MDM4: variants seen among roughly 807,000 people sequenced by gnomAD.
MDM4 encodes the protein MDM4 regulator of p53, also known as protein Mdm4.
Under a neutral mutation model 60.2 loss-of-function variants are expected in MDM4, and 2 were observed. That is an observed-to-expected ratio of 0.03 (90% CI 0.01 to 0.10). MDM4 has a LOEUF of 0.10. MDM4 is among the 10% of genes least tolerant of loss of function. The pLI is 1.00. For missense variants in MDM4, 447 were observed against 577.5 expected (o/e 0.77, Z 2.32); for synonymous variants, 202 against 198.1 (o/e 1.02, Z -0.17).
chr1:204,524,859 A>G (rs1256637062), intron 1 of MDM4, among the ~76,000 whole-genome samples: 2 of 152,202 alleles, frequency 1.3e-5, no homozygotes, highest in African/African-American at 4.8e-5. Context: ...AAAGATTTTC[A>G]TTGAACTTTA....
At chr1:204,543,132 T>G (rs865840846) in intron 8 of MDM4, among the ~76,000 whole-genome samples, 188 bp downstream of exon 8, 2 of 152,202 alleles carry the variant, frequency 1.3e-5, no homozygotes, top group Middle Eastern at 3.2e-3. Flanking sequence ...ATGCCCAACT[T>G]CAGTTTCCAG....
intron 7 of MDM4, among the ~76,000 whole-genome samples, chr1:204,541,224 T>C (rs1054092309): frequency 2.6e-5 from 4 of 152,282 alleles, no homozygotes; most frequent in African/African-American, 4.8e-5. Flanking sequence ...TTTGGGAGGC[T>C]GAGGCAGGGG....
chr1:204,522,161 G>A lies in MDM4; in HGVS notation c.-35-3323G>A, dbSNP rs184591258. 5.1e-3 allele frequency among the ~76,000 whole-genome samples: 778 copies of A among 151,854 alleles called. 3 individuals carry two copies. The highest frequency in any genetic ancestry group is 0.01 in the Middle Eastern group (3 of 294). On this transcript the variant is annotated intron_variant, in intron 1 of 10. Transcript: ENST00000367182. ...AGCCTGGGCAACATAGCAAGACCCC[G>A]TCTCTACAAAAAATAAATTAGCTGG...
At chr1:204,537,146 A>C in intron 5 of MDM4, 1 of 393,304 alleles carries the variant, frequency 2.5e-6, no homozygotes, top group Non-Finnish European at 4.6e-6. Context: ...TTTTCATATA[A>C]AAATTTAAAA....
At chr1:204,537,795 T>C in intron 6 of MDM4, 1 of 605,200 alleles carries the variant, frequency 1.7e-6, no homozygotes, top group Non-Finnish European at 3.1e-6. Flanking sequence ...CTTTATTAGA[T>C]TTTAATAGGC....
intron 5 of MDM4, chr1:204,532,960 A>G (rs1404597691): frequency 2.8e-5 from 26 of 915,292 alleles, no homozygotes; most frequent in Admixed American, 6.1e-5. Context: ...TAATCACATC[A>G]GAGTCATGTA....
chr1:204,531,678 A>G (rs544784204), intron 4 of MDM4, among the ~76,000 whole-genome samples: 1 of 152,130 alleles, frequency 6.6e-6, no homozygotes, highest in African/African-American at 2.4e-5. Context: ...TAAAAATACA[A>G]AAAATTAGCT....
intron 8 of MDM4, 113 bp downstream of exon 8, chr1:204,543,057 GT>G: frequency 1.1e-6 from 1 of 909,542 alleles, no homozygotes; most frequent in Non-Finnish European, 1.7e-6. Context: ...CTCCTATGGC[GT>G]TAAATACCAT....
chr1:204,517,965 C>T (rs1659164224), intron 1 of MDM4, among the ~76,000 whole-genome samples: 1 of 151,824 alleles, frequency 6.6e-6, no homozygotes, highest in African/African-American at 2.4e-5. Context: ...AGTTCGACAC[C>T]AGCCTAGGCA....
At chr1:204,543,888 A>G (rs1349323970) in intron 8 of MDM4, among the ~76,000 whole-genome samples, 1 of 152,184 alleles carries the variant, frequency 6.6e-6, no homozygotes, top group Non-Finnish European at 1.5e-5. Flanking sequence ...TACTTTTTCC[A>G]TTACCTGGTA....
rs2102313657 is a variant in MDM4, at chr1:204,525,532, C to T, written c.14C>T (p.Ser5Phe). The T allele has an allele frequency of 6.2e-7, 1 of 1,610,854 alleles. No individual in the cohort carries two copies. Among genetic ancestry groups the T allele is most frequent in the Non-Finnish European group, 8.5e-7 (1 of 1,179,112 alleles). The change falls in exon 2 of 11, where the codon TCC (serine) becomes TTC (phenylalanine). Residue 5 changes from serine to phenylalanine, a missense_variant. Transcript: ENST00000367182. ...TTCACTACCAAAATGACATCATTTT[C>T]CACCTCTGCTCAGTGTTCAACATCT... MTSF[S>F]TSAQCSTSDS...
chr1:204,531,852 T>C (rs1660889251), intron 4 of MDM4, among the ~76,000 whole-genome samples: 1 of 151,912 alleles, frequency 6.6e-6, no homozygotes, highest in East Asian at 1.9e-4. Flanking sequence ...AAGACTCCCC[T>C]CCACCCCCAC....
chr1:204,528,233 A>G (rs1474507858), intron 3 of MDM4, among the ~76,000 whole-genome samples: 1 of 152,178 alleles, frequency 6.6e-6, no homozygotes, highest in Non-Finnish European at 1.5e-5. Flanking sequence ...GTGGCAGGCA[A>G]GTGAGGGATC....
chr1:204,520,204 G>A (rs905072983), intron 1 of MDM4, among the ~76,000 whole-genome samples: 2 of 151,654 alleles, frequency 1.3e-5, no homozygotes, highest in Non-Finnish European at 2.9e-5. Flanking sequence ...ATGAACCCCG[G>A]GGGGTGGAGC....
chr1:204,529,459 C>G (rs1660619873), intron 3 of MDM4: 1 of 1,524,022 alleles, frequency 6.6e-7, no homozygotes, highest in Non-Finnish European at 9.0e-7. Flanking sequence ...TCATTTGGTC[C>G]TCCTGGAGTT....
At position 204,551,190 on chromosome 1, in the gene MDM4, G is replaced by A. The variant is rs1032983125; in HGVS notation, c.*1508G>A. On this transcript the variant is annotated 3_prime_UTR_variant, in exon 11 of 11. Coordinates refer to ENST00000367182, the MANE Select transcript of MDM4 (RefSeq NM_002393.5). ...CCCAAGTAGCTGGGTCTATAGGCGC[G>A]TGCCACCACCATGCCCAGCTGAATT... 8 of 198,228 alleles carry A rather than the reference G, an allele frequency of 4.0e-5. No homozygotes were observed. The highest frequency in any genetic ancestry group is 1.6e-4 in the African/African-American group (7 of 43,142). 12.3% of individuals were successfully genotyped at this position (198,228 alleles called of 1,614,324 possible).
In MDM4 at chr1:204,546,829, G is replaced by A. The variant is rs1262032123; in HGVS notation, c.855G>A (p.Glu285=). The A allele has an allele frequency of 1.9e-6, 3 of 1,613,002 alleles. No homozygotes were observed. In the African/African-American group the frequency reaches 4.0e-5, roughly 22 times the overall value. The change falls in exon 10 of 11, where the codon GAG becomes GAA. Residue 285 remains glutamate (E), a synonymous_variant. Transcript: ENST00000367182. ...VIEVGKNDDL[E]DSKSLSDDTD... The stretch of plus-strand genomic sequence containing the variant: ...AAGTGGGAAAAAATGATGACCTGGA[G>A]GACTCTAAGTCCTTAAGTGATGATA...
intron 4 of MDM4, among the ~76,000 whole-genome samples, chr1:204,531,193 ATAAT>A (rs1660818665): frequency 6.6e-6 from 1 of 152,328 alleles, no homozygotes; most frequent in South Asian, 2.1e-4. Context: ...TGAAAGATAG[ATAAT>A]TAAGTAGTCA....
chr1:204,549,341 A>G lies in MDM4; in HGVS notation c.1132A>G (p.Ile378Val), dbSNP rs201482788. ...APVVRPKDAY[I>V]KKENSKLFDP... ...TGTCGTTAGACCTAAAGATGCGTAT[A>G]TAAAGAAAGAAAACTCCAAACTTTT... Residue 378 changes from isoleucine (I) to valine (V), a missense_variant, in exon 11 of 11, where the codon ATA becomes GTA. Physicochemically the swap from Ile to Val is conservative, Grantham distance 29 (BLOSUM62 3). This residue lies in a region of MDM4 where 117 missense variants were observed against 114.5 expected (regional missense o/e 1.02). Coordinates refer to ENST00000367182, the MANE Select transcript of MDM4 (RefSeq NM_002393.5). 8 of 1,614,226 alleles carry G rather than the reference A, an allele frequency of 5.0e-6. No individual in the cohort carries two copies. Among genetic ancestry groups the G allele is most frequent in the Middle Eastern group, 1.6e-4 (1 of 6,062 alleles).
Sources: allele counts gnomAD v4.1 joint callset (sites outside exome capture counted in the v4.1 genomes callset), GRCh38; gene constraint gnomAD v4.1.1; regional missense constraint gnomAD v4.1.1; transcripts MANE v1.5; gene names NCBI Gene and HGNC (gene_info 2026-07-23, HGNC 2026-07-21).